The following ADARB2 variants were observed in gnomAD, a reference collection of about 807,000 sequenced individuals.
ADARB2 encodes adenosine deaminase RNA specific B2 (inactive).
In ADARB2, 25 loss-of-function variants were observed where a neutral mutation model predicts 62.2. That is an observed-to-expected ratio of 0.40 (90% confidence interval 0.29 to 0.56). ADARB2 has a LOEUF of 0.56. Ranked by LOEUF, ADARB2 falls within the 20% of genes least tolerant of loss-of-function variation. The probability of loss-of-function intolerance (pLI) is 0.43; values close to 1 mark genes in which losing one functional copy is unlikely to be tolerated. For synonymous variants in ADARB2, 572 were observed against 500.8 expected, an observed-to-expected ratio of 1.14 and a Z score of -1.90; for missense variants, 1,071 against 1,077.4, an observed-to-expected ratio of 0.99 and a Z score of 0.08.
intron 1 of ADARB2, among the ~76,000 whole-genome samples, chr10:1,448,907 T>G (rs1308463945): frequency 6.6e-6 from 1 of 151,986 alleles, no homozygotes; most frequent in Non-Finnish European, 1.5e-5. Flanking sequence ...GACTGACATC[T>G]CAGGGGTCCC....
rs559840947 is a variant in ADARB2, at chr10:1,245,060, A to G, written c.1193-2761T>C. On this transcript the variant is annotated intron_variant, in intron 4 of 9. Coordinates refer to ENST00000381312, the MANE Select transcript of ADARB2 (RefSeq NM_018702.4). ...CGGAAGGACAGCAGTACTGTTGCCC[A>G]TGAGTGAGTGCTGGGTTGCACAGGA... is the stretch of plus-strand genomic sequence containing the variant. Among the ~76,000 whole-genome samples, 4 of 152,280 alleles carry G rather than the reference A, an allele frequency of 2.6e-5. No individual in the cohort carries two copies. In the South Asian group the frequency reaches 8.3e-4, roughly 32 times the overall value.
At chr10:1,327,695 CGTCACAGTTTAGTGCCTA>C (rs1831883154) in intron 3 of ADARB2, among the ~76,000 whole-genome samples, 2 of 75,478 alleles carry the variant, frequency 2.6e-5, no homozygotes, top group East Asian at 3.3e-4. Flanking sequence ...CACAGCGCCT[CGTCACAGTTTAGTGCCTA>C]CCCACAGTTC....
intron 1 of ADARB2, among the ~76,000 whole-genome samples, chr10:1,423,234 G>A (rs896132799): frequency 2.6e-5 from 4 of 152,150 alleles, no homozygotes; most frequent in Non-Finnish European, 4.4e-5. Context: ...CCAGCTTCAC[G>A]CCATTGCTTA....
intron 7 of ADARB2, among the ~76,000 whole-genome samples, chr10:1,205,011 C>T (rs1361087584): frequency 1.3e-5 from 2 of 152,190 alleles, no homozygotes; most frequent in Admixed American, 1.3e-4. Flanking sequence ...GATGCCTCAG[C>T]CTGAGGTGCT....
intron 1 of ADARB2, among the ~76,000 whole-genome samples, chr10:1,630,894 GC>G (rs1275195677): frequency 2.0e-5 from 3 of 152,106 alleles, no homozygotes; most frequent in African/African-American, 7.2e-5. Flanking sequence ...GATGGAGGTT[GC>G]AGTGAGCCGA....
At position 1,178,118 on chromosome 10, in the gene ADARB2, C is replaced by T. The variant is rs1280107841; in HGVS notation, c.*5075G>A. On this transcript the variant is annotated 3_prime_UTR_variant, in exon 10 of 10. Transcript: ENST00000381312. ...CAGGAACCCAGCGGGGCTCCCCCAGCCCCAGCATGAACCTGTTGTGTGGAT... is the reference window on the plus strand; with the variant it reads ...CAGGAACCCAGCGGGGCTCCCCCAGTCCCAGCATGAACCTGTTGTGTGGAT... 1.3e-5 allele frequency: 2 copies of T among 148,472 alleles called. No individual in the cohort carries two copies. Among genetic ancestry groups the T allele is most frequent in the African/African-American group, 5.0e-5 (2 of 39,966 alleles). The allele number at this position is 148,472 out of a possible 1,614,324, so 9.2% of individuals were successfully genotyped here.
Position 1,493,729 on chromosome 10 carries a change from C to CTTTTTTTTTTT in ADARB2, c.101-114580_101-114570dup, listed in dbSNP as rs555812632. On this transcript the variant is annotated intron_variant, in intron 1 of 9. Coordinates refer to ENST00000381312, the MANE Select transcript of ADARB2 (RefSeq NM_018702.4). ...TCTAGGCACAGCATAATATGGCATTCTTTTTTTTTTTTTTTTTTTTTTTTT... is the reference window on the plus strand; with the variant it reads ...TCTAGGCACAGCATAATATGGCATTCTTTTTTTTTTTTTTTTTTTTTTTTTTTTTTTTTTTT... 4.6e-4 allele frequency among the ~76,000 whole-genome samples: 26 copies of CTTTTTTTTTTT among 56,842 alleles called. 3 individuals carry two copies. The highest frequency in any genetic ancestry group is 1.5e-3 in the East Asian group (3 of 1,940). The allele number at this position is 56,842 out of a possible 152,430, so 37.3% of individuals were successfully genotyped here.
intron 1 of ADARB2, among the ~76,000 whole-genome samples, chr10:1,708,952 A>G (rs1414970330): frequency 6.6e-6 from 1 of 152,198 alleles, no homozygotes; most frequent in East Asian, 1.9e-4. Flanking sequence ...GGTGGACGCA[A>G]GACACACCTG....
chr10:1,728,389 ATTTT>A (rs1389171308), intron 1 of ADARB2, among the ~76,000 whole-genome samples: 1 of 152,144 alleles, frequency 6.6e-6, no homozygotes, highest in Non-Finnish European at 1.5e-5. Flanking sequence ...TCTCTACATG[ATTTT>A]TGTAATGTTT....
intron 1 of ADARB2, among the ~76,000 whole-genome samples, chr10:1,415,892 T>C (rs1832797466): frequency 1.3e-5 from 2 of 152,172 alleles, no homozygotes; most frequent in South Asian, 2.1e-4. Flanking sequence ...TGAGCATTGA[T>C]GGAACTCCTA....
At chr10:1,210,186 G>C (rs1323121977) in intron 7 of ADARB2, among the ~76,000 whole-genome samples, 1 of 152,138 alleles carries the variant, frequency 6.6e-6, no homozygotes, top group Non-Finnish European at 1.5e-5. Context: ...GATATCAAAG[G>C]GAAATTGCAA....
At chr10:1,316,296 T>C (rs891144812) in intron 3 of ADARB2, among the ~76,000 whole-genome samples, 11 of 152,228 alleles carry the variant, frequency 7.2e-5, no homozygotes, top group African/African-American at 2.4e-4. Flanking sequence ...CTGCTGGGCT[T>C]GGGCCCTGCT....
intron 4 of ADARB2, among the ~76,000 whole-genome samples, chr10:1,267,449 G>A (rs1831215926): frequency 1.3e-5 from 2 of 152,180 alleles, no homozygotes; most frequent in African/African-American, 2.4e-5. Flanking sequence ...TCCGGAGATG[G>A]TGTCCCACTG....
intron 1 of ADARB2, among the ~76,000 whole-genome samples, chr10:1,561,999 C>A (rs115189695): frequency 6.6e-6 from 1 of 152,228 alleles, no homozygotes; most frequent in Non-Finnish European, 1.5e-5. Flanking sequence ...CCTCTGGGTG[C>A]AGCCCCAGCT....
chr10:1,377,443 G>A, intron 2 of ADARB2, among the ~76,000 whole-genome samples: 1 of 140,934 alleles, frequency 7.1e-6, no homozygotes, highest in Admixed American at 7.1e-5. Context: ...ATGCTCCTGG[G>A]GTGTGCATAT....
At chr10:1,475,436 C>A (rs1322868363) in intron 1 of ADARB2, among the ~76,000 whole-genome samples, 1 of 152,152 alleles carries the variant, frequency 6.6e-6, no homozygotes, top group South Asian at 2.1e-4. Context: ...TTACCCATCC[C>A]GGGCCCCAGC....
intron 6 of ADARB2, among the ~76,000 whole-genome samples, chr10:1,225,310 C>T (rs1830735613): frequency 6.6e-6 from 1 of 152,132 alleles, no homozygotes; most frequent in African/African-American, 2.4e-5. Flanking sequence ...TGTGTCTCTG[C>T]AGCTGAGATG....
chr10:1,682,313 T>C (rs1253458646), intron 1 of ADARB2, among the ~76,000 whole-genome samples: 1 of 152,168 alleles, frequency 6.6e-6, no homozygotes, highest in East Asian at 1.9e-4. Flanking sequence ...CTCCCGGGTT[T>C]CCTCCCATGC....
chr10:1,678,912 G>A (rs1219640447), intron 1 of ADARB2, among the ~76,000 whole-genome samples: 1 of 152,198 alleles, frequency 6.6e-6, no homozygotes, highest in Non-Finnish European at 1.5e-5. Flanking sequence ...CAGAGGAGGA[G>A]AGAGTACAGG....
Sources: gnomAD v4.1 joint callset for allele counts (sites outside exome capture counted in the v4.1 genomes callset) on GRCh38, gnomAD v4.1.1 for gene constraint, MANE v1.5 for transcripts, NCBI Gene and HGNC (gene_info 2026-07-23, HGNC 2026-07-21) for gene names.